The following PDE10A variants were observed in gnomAD, a reference collection of about 807,000 sequenced individuals.
PDE10A encodes the protein cAMP and cAMP-inhibited cGMP 3',5'-cyclic phosphodiesterase 10A.
A neutral mutation model predicts 97.7 loss-of-function variants in PDE10A; 39 were observed. The observed-to-expected ratio is 0.40, with a 90% CI of 0.31 to 0.52. The LOEUF is 0.52. PDE10A is among the 20% of genes least tolerant of loss of function. PDE10A has a pLI of 0.56. For synonymous variants in PDE10A, 371 were observed against 376.8 expected, an observed-to-expected ratio of 0.98 and a Z score of 0.18; for missense variants, 731 against 1,047.8, an observed-to-expected ratio of 0.70 and a Z score of 4.17.
intron 10 of PDE10A, among the ~76,000 whole-genome samples, chr6:165,425,913 G>T (rs529468236): frequency 2.6e-5 from 4 of 151,664 alleles, no homozygotes; most frequent in East Asian, 3.9e-4. Flanking sequence ...CTACACATTT[G>T]CAGTATAAAA....
At chr6:165,610,530 CAAAAAAAAA>C (rs201763144) in intron 1 of PDE10A, among the ~76,000 whole-genome samples, 2 of 55,136 alleles carry the variant, frequency 3.6e-5, no homozygotes, top group Non-Finnish European at 7.7e-5. Context: ...GACTCCGTCT[CAAAAAAAAA>C]AAAAAAAAAA....
At chr6:165,909,211 G>A (rs1316405831) in intron 1 of PDE10A, 1 of 152,218 alleles carries the variant, frequency 6.6e-6, no homozygotes, top group African/African-American at 2.4e-5. Flanking sequence ...ACTTTGAAGA[G>A]CCTGACTTTA....
At chr6:165,573,769 A>G (rs1785166926) in intron 1 of PDE10A, among the ~76,000 whole-genome samples, 1 of 152,224 alleles carries the variant, frequency 6.6e-6, no homozygotes, top group Admixed American at 6.5e-5. Flanking sequence ...AAAGCAATAA[A>G]AAAAAAATAC....
At chr6:165,777,478 G>T (rs1258435331) in intron 1 of PDE10A, among the ~76,000 whole-genome samples, 3 of 139,412 alleles carry the variant, frequency 2.2e-5, no homozygotes, top group Non-Finnish European at 4.6e-5. Flanking sequence ...TGAAAACAGA[G>T]GGAATCTCGT....
intron 1 of PDE10A, among the ~76,000 whole-genome samples, chr6:165,867,219 T>A (rs1354958860): frequency 7.9e-6 from 1 of 125,836 alleles, no homozygotes; most frequent in African/African-American, 2.9e-5. Flanking sequence ...TTAAAAAATA[T>A]AGACTGAATG....
In PDE10A at chr6:165,709,368, C is replaced by T. The variant is rs560283264; in HGVS notation, c.-614-165800G>A. On this transcript the variant is annotated intron_variant, in intron 1 of 19. Transcript: ENST00000366882. ...TCTCCCCAACCCCAATGCTGCCGCG[C>T]TCTCCCCGTACCCTCCACCACCATG... Among the ~76,000 whole-genome samples, 52 of 142,700 alleles carry T rather than the reference C, an allele frequency of 3.6e-4. No individual in the cohort carries two copies. The South Asian group carries it at 0.012, about 32-fold the overall frequency. The allele number at this position is 142,700 out of a possible 152,430, so 93.6% of individuals were successfully genotyped here. A position where few individuals can be genotyped will look rare whatever the true frequency, so the allele number is the denominator to read the frequency against.
chr6:165,657,063 A>G (rs1790004633), intron 1 of PDE10A, among the ~76,000 whole-genome samples: 1 of 152,224 alleles, frequency 6.6e-6, no homozygotes, highest in Admixed American at 6.5e-5. Flanking sequence ...TTTCCAACAC[A>G]AGTATTTGAG....
intron 1 of PDE10A, among the ~76,000 whole-genome samples, chr6:165,794,394 T>G (rs982024932): frequency 2.0e-5 from 3 of 149,762 alleles, no homozygotes; most frequent in Non-Finnish European, 4.4e-5. Context: ...CACTCACACA[T>G]GCTCACACTC....
intron 1 of PDE10A, among the ~76,000 whole-genome samples, chr6:165,791,661 A>G (rs914032444): frequency 2.0e-5 from 3 of 152,210 alleles, no homozygotes; most frequent in Non-Finnish European, 2.9e-5. Context: ...GACGAAGATC[A>G]GCGCAGTCTC....
chr6:165,631,268 T>C (rs891554637), intron 1 of PDE10A, among the ~76,000 whole-genome samples: 1 of 152,248 alleles, frequency 6.6e-6, no homozygotes, highest in Non-Finnish European at 1.5e-5. Flanking sequence ...AATGACATGA[T>C]ATTAATTTTA....
chr6:165,551,023 A>G (rs879525946), intron 1 of PDE10A, among the ~76,000 whole-genome samples: 15 of 152,238 alleles, frequency 9.9e-5, no homozygotes, highest in African/African-American at 2.2e-4. Context: ...GCAACTTAGT[A>G]ACAAAATCTG....
At chr6:165,937,765 C>T (rs766420706) in intron 1 of PDE10A, among the ~76,000 whole-genome samples, 63 of 152,238 alleles carry the variant, frequency 4.1e-4, no homozygotes, top group Middle Eastern at 3.4e-3. Flanking sequence ...CAATTAAACA[C>T]GAAACACACA....
chr6:165,972,757 C>T lies in PDE10A; in HGVS notation c.-615+14772G>A, dbSNP rs186667207. On this transcript the variant is annotated intron_variant, in intron 1 of 19. Transcript: ENST00000366882. ...ATTAATTAAATATTGTATTATTTTT[C>T]GCCAAGAGGCCAGAACAATTCTGGC... is the stretch of plus-strand genomic sequence containing the variant. 1.3e-3 allele frequency among the ~76,000 whole-genome samples: 193 copies of T among 152,302 alleles called. 1 individual carries two copies. Among genetic ancestry groups the T allele is most frequent in the African/African-American group, 4.4e-3 (185 of 41,578 alleles).
intron 17 of PDE10A, among the ~76,000 whole-genome samples, chr6:165,382,370 G>A (rs997167483): frequency 9.9e-5 from 15 of 152,070 alleles, no homozygotes; most frequent in South Asian, 2.1e-4. Context: ...GCAACTAAGC[G>A]CATCAAACAT....
chr6:165,563,234 G>T (rs1398544552), intron 1 of PDE10A, among the ~76,000 whole-genome samples: 1 of 148,686 alleles, frequency 6.7e-6, no homozygotes, highest in Admixed American at 6.7e-5. Context: ...AAGAGAGGAA[G>T]GGGGAGAGGG....
At chr6:165,673,104 A>C (rs1218942262) in intron 1 of PDE10A, among the ~76,000 whole-genome samples, 1 of 152,308 alleles carries the variant, frequency 6.6e-6, no homozygotes, top group Middle Eastern at 3.4e-3. Flanking sequence ...ATCTAGGTGA[A>C]CTGACCCAGA....
intron 2 of PDE10A, among the ~76,000 whole-genome samples, chr6:165,515,064 T>G (rs760285389): frequency 1.3e-5 from 2 of 152,176 alleles, no homozygotes; most frequent in Non-Finnish European, 2.9e-5. Flanking sequence ...TAGACACCCT[T>G]TCAGAGGGCA....
At chr6:165,646,768 C>T (rs530388102) in intron 1 of PDE10A, among the ~76,000 whole-genome samples, 18 of 150,112 alleles carry the variant, frequency 1.2e-4, no homozygotes, top group South Asian at 4.2e-4. Flanking sequence ...GCACAATGGA[C>T]GCCTGCCTGG....
chr6:165,363,012 C>T (rs73030134), intron 18 of PDE10A, among the ~76,000 whole-genome samples: 13,114 of 148,214 alleles, frequency 0.088, 626 homozygotes, highest in Middle Eastern at 0.21. Context: ...AAATCCAACA[C>T]CCATTCACAA....
Sources: allele counts gnomAD v4.1 joint callset (sites outside exome capture counted in the v4.1 genomes callset), GRCh38; gene constraint gnomAD v4.1.1; transcripts MANE v1.5; gene names NCBI Gene and HGNC (gene_info 2026-07-23, HGNC 2026-07-21).